Variants in CCDC85A observed in about 807,000 individuals in gnomAD.
The protein encoded by CCDC85A is coiled-coil domain containing 85A, also known as coiled-coil domain-containing protein 85A.
A neutral mutation model predicts 50.2 loss-of-function variants in CCDC85A; 38 were observed. The ratio of observed to expected loss-of-function variants is 0.76; its 90% CI spans 0.58 to 0.99. The LOEUF is 0.99. Ranked by LOEUF, CCDC85A falls within the 50% of genes least tolerant of loss-of-function variation. The pLI, the probability that CCDC85A is intolerant of heterozygous loss-of-function variation, is 0.00. For missense variants in CCDC85A, 820 were observed against 742.0 expected (o/e 1.11, Z -1.22); for synonymous variants, 366 against 301.4 (o/e 1.21, Z -2.22).
intron 2 of CCDC85A, among the ~76,000 whole-genome samples, chr2:56,298,987 A>T (rs1459094489): frequency 6.6e-6 from 1 of 152,176 alleles, no homozygotes; most frequent in South Asian, 2.1e-4. Flanking sequence ...TCTCATTACC[A>T]TTTGGGACAC....
At chr2:56,224,961 C>T (rs1381314333) in intron 2 of CCDC85A, among the ~76,000 whole-genome samples, 3 of 151,934 alleles carry the variant, frequency 2.0e-5, no homozygotes, top group African/African-American at 2.4e-5. Flanking sequence ...CTTTTATTGC[C>T]ATGCTTTTAA....
At chr2:56,220,966 C>G (rs531484725) in intron 2 of CCDC85A, among the ~76,000 whole-genome samples, 2 of 152,080 alleles carry the variant, frequency 1.3e-5, no homozygotes, top group South Asian at 4.2e-4. Context: ...AGCCTCCAGC[C>G]CTGCTCCCCG....
intron 2 of CCDC85A, among the ~76,000 whole-genome samples, chr2:56,218,402 C>T (rs991149245): frequency 2.0e-5 from 3 of 151,736 alleles, no homozygotes; most frequent in Non-Finnish European, 4.4e-5. Flanking sequence ...GCTTAAAATT[C>T]AAGAAGATGA....
chr2:56,237,440 A>G (rs765036680), intron 2 of CCDC85A, among the ~76,000 whole-genome samples: 3 of 152,242 alleles, frequency 2.0e-5, no homozygotes, highest in Non-Finnish European at 2.9e-5. Context: ...AGATTTATAC[A>G]TGAATACAGA....
chr2:56,365,532 A>T (rs1478445893), intron 3 of CCDC85A, among the ~76,000 whole-genome samples: 2 of 152,176 alleles, frequency 1.3e-5, no homozygotes, highest in Non-Finnish European at 2.9e-5. Context: ...GAGTGCATAG[A>T]CTAGAAGGAG....
intron 2 of CCDC85A, among the ~76,000 whole-genome samples, chr2:56,335,667 T>C (rs962126920): frequency 6.6e-6 from 1 of 151,430 alleles, no homozygotes; most frequent in Non-Finnish European, 1.5e-5. Flanking sequence ...AGTGGCACAA[T>C]CTGGGCCCAC....
At chr2:56,282,035 A>G (rs1010927129) in intron 2 of CCDC85A, among the ~76,000 whole-genome samples, 20 of 152,252 alleles carry the variant, frequency 1.3e-4, no homozygotes, top group African/African-American at 4.6e-4. Context: ...TATGTTTTTA[A>G]CTACAACTTT....
intron 3 of CCDC85A, among the ~76,000 whole-genome samples, chr2:56,369,794 C>T (rs1308126120): frequency 2.6e-5 from 4 of 151,978 alleles, no homozygotes; most frequent in Non-Finnish European, 4.4e-5. Context: ...ACTTGATTTT[C>T]ACTCTTCTTT....
intron 2 of CCDC85A, among the ~76,000 whole-genome samples, chr2:56,286,982 G>A (rs527237056): frequency 1.3e-5 from 2 of 152,194 alleles, no homozygotes; most frequent in South Asian, 4.1e-4. Context: ...TTTACTTTAG[G>A]GAGTGGTGTT....
chr2:56,183,875 A>G (rs553391344), upstream of CCDC85A: 591 of 985,052 alleles, frequency 6.0e-4, 3 homozygotes, highest in African/African-American at 9.5e-3. Context: ...GCGCACCTCG[A>G]GGGCCCGGGC....
rs969728382 is a variant in CCDC85A, at chr2:56,192,758, C to T, written c.558C>T (p.Ser186=). 1 of 1,613,104 alleles carries T rather than the reference C, an allele frequency of 6.2e-7. No homozygotes were observed. Among genetic ancestry groups the T allele is most frequent in the Non-Finnish European group, 8.5e-7 (1 of 1,179,594 alleles). The change falls in exon 2 of 6, where the codon TCC becomes TCT. Residue 186 remains serine, a synonymous_variant. Coordinates refer to ENST00000407595, the MANE Select transcript of CCDC85A (RefSeq NM_001080433.2). This position sits in a 1 kb window ranked among gnomAD's most constrained non-coding sequence, Gnocchi z 4.7. ...CAGGCTGCGCAGGCAGCCGCTGCTCCATCGACAGCCAGGCCAGCCTGTGCC... is the reference window on the plus strand; with the variant it reads ...CAGGCTGCGCAGGCAGCCGCTGCTCTATCGACAGCCAGGCCAGCCTGTGCC... ...KGAGCAGSRC[S]IDSQASLCQL... is the part of the protein sequence containing the mutation.
chr2:56,383,559 T>C (rs1166535125), intron 5 of CCDC85A: 1 of 983,586 alleles, frequency 1.0e-6, no homozygotes, highest in Non-Finnish European at 1.2e-6. Flanking sequence ...TGTATCTCTT[T>C]CAGTGATTCT....
Position 56,184,244 on chromosome 2 carries a change from G to C in CCDC85A, c.-381G>C, listed in dbSNP as rs1294648753. 4.2e-5 allele frequency: 40 copies of C among 953,784 alleles called. No homozygotes were observed. The highest frequency in any genetic ancestry group is 4.9e-5 in the Non-Finnish European group (39 of 792,380). The allele number at this position is 953,784 out of a possible 1,614,324, so 59.1% of individuals were successfully genotyped here. ...CTGTGTGCAGGGCAGAGAGTGCGGGGGGCGACAGTCTCGGCTTAGGGCGGA... is the reference window on the plus strand; with the variant it reads ...CTGTGTGCAGGGCAGAGAGTGCGGGCGGCGACAGTCTCGGCTTAGGGCGGA... On this transcript the variant is annotated 5_prime_UTR_variant, in exon 1 of 6. Transcript: ENST00000407595.
In CCDC85A at chr2:56,184,311, C is replaced by G. The variant is rs1675893844; in HGVS notation, c.-314C>G. 1 of 627,532 alleles carries G rather than the reference C, an allele frequency of 1.6e-6. No individual in the cohort carries two copies. The highest frequency in any genetic ancestry group is 1.9e-5 in the African/African-American group (1 of 51,498). 38.9% of individuals were successfully genotyped at this position (627,532 alleles called of 1,614,324 possible). A position where few individuals can be genotyped will look rare whatever the true frequency, so the allele number is the denominator to read the frequency against. ...CGGCGGTGCAGCTCCCCCGCTGTCC[C>G]CGAGGATTTCCCGCGGCAGCCCCGG... On this transcript the variant is annotated 5_prime_UTR_variant, in exon 1 of 6. Transcript: ENST00000407595.
At chr2:56,377,221 C>A (rs1380513153) in intron 5 of CCDC85A, among the ~76,000 whole-genome samples, 1 of 152,080 alleles carries the variant, frequency 6.6e-6, no homozygotes, top group African/African-American at 2.4e-5. Context: ...GAAGGCACAG[C>A]CAGTGTGAGG....
At chr2:56,220,379 G>A (rs1668273753) in intron 2 of CCDC85A, among the ~76,000 whole-genome samples, 1 of 151,834 alleles carries the variant, frequency 6.6e-6, no homozygotes, top group Non-Finnish European at 1.5e-5. Flanking sequence ...GTTATATAAG[G>A]ATAAAATACT....
chr2:56,209,689 A>G (rs924960792), intron 2 of CCDC85A, among the ~76,000 whole-genome samples: 1 of 152,128 alleles, frequency 6.6e-6, no homozygotes, highest in African/African-American at 2.4e-5. Flanking sequence ...TTAGGTTGCG[A>G]TTTTGACTTT....
At chr2:56,234,698 C>T (rs560540623) in intron 2 of CCDC85A, among the ~76,000 whole-genome samples, 1 of 152,180 alleles carries the variant, frequency 6.6e-6, no homozygotes, top group East Asian at 1.9e-4. Context: ...CTCCAGAGCC[C>T]CCTTAGATCT....
chr2:56,213,686 C>T (rs747070196), intron 2 of CCDC85A, among the ~76,000 whole-genome samples: 3 of 151,764 alleles, frequency 2.0e-5, no homozygotes, highest in Non-Finnish European at 4.4e-5. Flanking sequence ...CTAGGAACCC[C>T]TCGAACAGAG....
Sources: allele counts gnomAD v4.1 joint callset (sites outside exome capture counted in the v4.1 genomes callset), GRCh38; gene constraint gnomAD v4.1.1; non-coding constraint Gnocchi (gnomAD v3.1); transcripts MANE v1.5; gene names NCBI Gene and HGNC (gene_info 2026-07-23, HGNC 2026-07-21).